The following CCDC138 variants were observed in gnomAD, a reference collection of about 807,000 sequenced individuals.
CCDC138 encodes coiled-coil domain containing 138, also known as coiled-coil domain-containing protein 138.
Under a neutral mutation model 82.3 loss-of-function variants are expected in CCDC138, and 66 were observed. The ratio of observed to expected loss-of-function variants is 0.80; its 90% CI spans 0.66 to 0.98. CCDC138 has a LOEUF of 0.98. Among genes scored for constraint, CCDC138 ranks in the 50% least tolerant of loss-of-function variants. The probability of loss-of-function intolerance (pLI) is 0.00; values close to 1 mark genes in which losing one functional copy is unlikely to be tolerated. For synonymous variants in CCDC138, 297 were observed against 265.4 expected (o/e 1.12, Z -1.16); for missense variants, 816 against 758.9 (o/e 1.08, Z -0.88).
At chr2:108,853,865 A>AG (rs1691971855) in intron 12 of CCDC138, among the ~76,000 whole-genome samples, 1 of 127,688 alleles carries the variant, frequency 7.8e-6, no homozygotes, top group East Asian at 2.0e-4. Flanking sequence ...TATATATAAT[A>AG]TATATACTAT....
intron 12 of CCDC138, among the ~76,000 whole-genome samples, chr2:108,847,512 A>G (rs765702975): frequency 6.6e-6 from 1 of 152,210 alleles, no homozygotes; most frequent in Admixed American, 6.5e-5. Context: ...CCCTGCACCT[A>G]GTGTAGTGCT....
At chr2:108,832,446 C>T (rs891744607) in intron 10 of CCDC138, among the ~76,000 whole-genome samples, 1 of 148,860 alleles carries the variant, frequency 6.7e-6, no homozygotes, top group Admixed American at 6.8e-5. Context: ...CTCCCAAGTT[C>T]AAGCGATTCT....
chr2:108,825,966 G>A (rs1326123957), intron 10 of CCDC138, among the ~76,000 whole-genome samples: 2 of 152,082 alleles, frequency 1.3e-5, no homozygotes, highest in Non-Finnish European at 2.9e-5. Flanking sequence ...AGTATGAAGT[G>A]GTCAATCATT....
intron 11 of CCDC138, among the ~76,000 whole-genome samples, chr2:108,842,261 ACT>A (rs1461398645): frequency 6.6e-5 from 10 of 151,120 alleles, no homozygotes; most frequent in African/African-American, 2.4e-4. Context: ...CTGGTCTCTA[ACT>A]CTTGGCCTCA....
In CCDC138 at chr2:108,795,061, A is replaced by G. The variant is rs561481161; in HGVS notation, c.576+340A>G. Among the ~76,000 whole-genome samples the G allele has an allele frequency of 4.5e-3, 688 of 151,286 alleles. 3 individuals are homozygous for G. Among genetic ancestry groups the G allele is most frequent in the African/African-American group, 0.016 (656 of 41,286 alleles). On this transcript the variant is annotated intron_variant, in intron 5 of 14. Coordinates refer to ENST00000295124, the MANE Select transcript of CCDC138 (RefSeq NM_144978.3). The stretch of plus-strand genomic sequence containing the variant: ...GCTTTATTGTTTTAAGTACTTATAT[A>G]TAAAAAGTCTTCTTGTCAACTCTCA...
chr2:108,881,137 T>C (rs945474122), downstream of CCDC138, among the ~76,000 whole-genome samples: 1 of 152,238 alleles, frequency 6.6e-6, no homozygotes, highest in Non-Finnish European at 1.5e-5. Flanking sequence ...TTCATCTACA[T>C]TGAAAATCTG....
intron 6 of CCDC138, among the ~76,000 whole-genome samples, chr2:108,802,772 T>A (rs1299248470): frequency 6.6e-6 from 1 of 151,554 alleles, no homozygotes; most frequent in Non-Finnish European, 1.5e-5. Flanking sequence ...GGGTTTGTCA[T>A]AGATAGCTCT....
At chr2:108,798,629 TTTC>T (rs1247526934) in intron 6 of CCDC138, 43 bp downstream of exon 6, 5 of 1,468,716 alleles carry the variant, frequency 3.4e-6, no homozygotes, top group African/African-American at 1.4e-5. Context: ...TATTTCTTCT[TTTC>T]TTCTTAGATT....
At chr2:108,833,585 T>G (rs1688048755) in intron 10 of CCDC138, among the ~76,000 whole-genome samples, 1 of 152,184 alleles carries the variant, frequency 6.6e-6, no homozygotes, top group Admixed American at 6.6e-5. Flanking sequence ...AACCCTTTTT[T>G]GTAAAAGGAC....
intron 12 of CCDC138, among the ~76,000 whole-genome samples, chr2:108,856,329 C>G (rs776095128): frequency 1.3e-5 from 2 of 152,106 alleles, no homozygotes; most frequent in African/African-American, 2.4e-5. Context: ...TACTAGGAAA[C>G]AAATCCTTAT....
At chr2:108,862,839 A>G (rs981523112) in intron 13 of CCDC138, among the ~76,000 whole-genome samples, 4 of 152,128 alleles carry the variant, frequency 2.6e-5, no homozygotes, top group Non-Finnish European at 4.4e-5. Context: ...ATACAGTTGC[A>G]TATTTGCAGG....
chr2:108,791,589 G>A, intron 3 of CCDC138, 86 bp from the exon 4 acceptor site: 1 of 1,436,390 alleles, frequency 7.0e-7, no homozygotes. Flanking sequence ...TCTCAGTTAT[G>A]CTGTTAATAT....
chr2:108,795,181 ATC>A (rs796177482), intron 5 of CCDC138, among the ~76,000 whole-genome samples: 71 of 99,696 alleles, frequency 7.1e-4, no homozygotes, highest in African/African-American at 2.5e-3. Flanking sequence ...TTGCGATGGA[ATC>A]TTGCTGTATC....
At chr2:108,864,147 C>T (rs1313909168) in intron 13 of CCDC138, among the ~76,000 whole-genome samples, 1 of 151,604 alleles carries the variant, frequency 6.6e-6, no homozygotes, top group South Asian at 2.1e-4. Flanking sequence ...TTGAGGAAAC[C>T]CATTCTCATA....
intron 13 of CCDC138, among the ~76,000 whole-genome samples, chr2:108,872,926 C>G (rs1198501665): frequency 6.6e-6 from 1 of 152,136 alleles, no homozygotes; most frequent in South Asian, 2.1e-4. Context: ...TCCAGAGTCT[C>G]ATCTAAATTA....
intron 13 of CCDC138, among the ~76,000 whole-genome samples, chr2:108,861,397 G>A (rs1693578377): frequency 6.7e-6 from 1 of 149,848 alleles, no homozygotes; most frequent in Non-Finnish European, 1.5e-5. Context: ...TCTAGTTCCT[G>A]TAGGTGTGAC....
At chr2:108,832,584 T>C (rs146037564) in intron 10 of CCDC138, among the ~76,000 whole-genome samples, 12 of 152,284 alleles carry the variant, frequency 7.9e-5, no homozygotes, top group Admixed American at 4.6e-4. Context: ...TGACCCAGAA[T>C]TTGTATTTCC....
intron 10 of CCDC138, among the ~76,000 whole-genome samples, chr2:108,836,260 T>G (rs1233786728): frequency 6.6e-6 from 1 of 152,236 alleles, no homozygotes; most frequent in African/African-American, 2.4e-5. Context: ...ATAATAGTAT[T>G]TGCCTTTTTG....
downstream of CCDC138, among the ~76,000 whole-genome samples, chr2:108,880,180 A>G (rs1042303834): frequency 4.3e-4 from 41 of 95,170 alleles, no homozygotes; most frequent in African/African-American, 8.6e-4. Flanking sequence ...AAGCTTCCAG[A>G]CAGGGTAACT....
Sources: gnomAD v4.1 joint callset for allele counts (sites outside exome capture counted in the v4.1 genomes callset) on GRCh38, gnomAD v4.1.1 for gene constraint, MANE v1.5 for transcripts, NCBI Gene and HGNC (gene_info 2026-07-23, HGNC 2026-07-21) for gene names.